USP35: variants seen among roughly 807,000 people sequenced by gnomAD.
The protein encoded by USP35 is ubiquitin carboxyl-terminal hydrolase 35.
In USP35, 69 loss-of-function variants were observed where a neutral mutation model predicts 83.8. That is an observed-to-expected ratio of 0.82 (90% CI 0.68 to 1.01). The LOEUF (loss-of-function observed/expected upper bound fraction) is 1.01. Ranked by LOEUF, USP35 falls within the 50% of genes least tolerant of loss-of-function variation. USP35 has a pLI of 0.00. For synonymous variants in USP35, 714 were observed against 589.5 expected (o/e 1.21, Z -3.06); for missense variants, 1,503 against 1,362.5 (o/e 1.10, Z -1.62).
chr11:78,194,012 G>A lies in USP35; in HGVS notation c.-10-2224G>A, dbSNP rs370777644. On this transcript the variant is annotated intron_variant, in intron 1 of 10. Transcript: ENST00000529308. ...CTCCCAAAGTGTTGGGACTACAGGCGTGAGCCACCGCGCCCGGCCGCATCT... is the reference window on the plus strand; with the variant it reads ...CTCCCAAAGTGTTGGGACTACAGGCATGAGCCACCGCGCCCGGCCGCATCT... 3.3e-5 allele frequency among the ~76,000 whole-genome samples: 5 copies of A among 149,438 alleles called. No homozygotes were observed. The East Asian group carries it at 6.0e-4, about 18-fold the overall frequency.
rs10532208 is a variant in USP35 at position 78,214,883 on chromosome 11, G to GACTT, written c.*1077_*1080dup. 2.6e-4 allele frequency among the ~76,000 whole-genome samples: 40 copies of GACTT among 151,746 alleles called. No individual in the cohort carries two copies. The highest frequency in any genetic ancestry group is 1.2e-3 in the East Asian group (6 of 5,118). On this transcript the variant is annotated 3_prime_UTR_variant, in exon 11 of 11. Coordinates refer to ENST00000529308, the MANE Select transcript of USP35 (RefSeq NM_020798.4). ...GTGTAAGTAAACGTGTGGACTGACTGACTTACTTACCTTACTGAGGGCTGG... is the reference window on the plus strand; with the variant it reads ...GTGTAAGTAAACGTGTGGACTGACTGACTTACTTACTTACCTTACTGAGGGCTGG...
In USP35 at chr11:78,199,661, G is replaced by C; in HGVS notation, c.873G>C (p.Lys291Asn). 6.2e-7 allele frequency: 1 copy of C among 1,614,236 alleles called. No individual in the cohort carries two copies. Among genetic ancestry groups the C allele is most frequent in the Non-Finnish European group, 8.5e-7 (1 of 1,180,034 alleles). The change falls in exon 4 of 11, where the codon AAG (lysine) becomes AAC (asparagine). Residue 291 changes from lysine to asparagine, a missense_variant. By Grantham distance (94) the Lys-to-Asn change is moderately conservative. Transcript: ENST00000529308. ...ACAAGTGGATCATTGCACTGCTGAA[G>C]GGCCTGGCTGCTGTTAAGAAGTTCA... is the stretch of plus-strand genomic sequence containing the variant. ...NIDKWIIALL[K>N]GLAAVKKFSI...
At chr11:78,220,220 G>T, downstream of USP35, 1 of 1,249,594 alleles carries the variant, frequency 8.0e-7, no homozygotes, top group Non-Finnish European at 1.1e-6. Flanking sequence ...GAGGGAGGCT[G>T]AGTGCTGCTG....
intron 3 of USP35, among the ~76,000 whole-genome samples, chr11:78,198,269 G>A (rs1379253227): frequency 6.6e-6 from 1 of 152,230 alleles, no homozygotes; most frequent in East Asian, 1.9e-4. Flanking sequence ...CAGAGAGCCT[G>A]CCCTAGTGAT....
chr11:78,190,681 G>T (rs1453072353), intron 1 of USP35, among the ~76,000 whole-genome samples: 1 of 152,220 alleles, frequency 6.6e-6, no homozygotes, highest in Non-Finnish European at 1.5e-5. Context: ...AGAGGGCCTT[G>T]GAGGCCAGAA....
chr11:78,204,081 G>C (rs1292499282), intron 6 of USP35, among the ~76,000 whole-genome samples: 4 of 151,214 alleles, frequency 2.6e-5, no homozygotes, highest in African/African-American at 9.7e-5. Context: ...TAGTAGAGAC[G>C]GGGTTTCACC....
the USP35 span, among the ~76,000 whole-genome samples, chr11:78,234,201 G>T: frequency 2.6e-5 from 4 of 152,140 alleles, no homozygotes; most frequent in South Asian, 4.1e-4. Flanking sequence ...TCCCACCACA[G>T]CCTGCTGAGT....
intron 7 of USP35, 41 bp downstream of exon 7, chr11:78,206,076 C>T (rs1863521539): frequency 1.3e-6 from 2 of 1,583,714 alleles, no homozygotes; most frequent in South Asian, 1.1e-5. Context: ...CCTTGCTTCT[C>T]TCCTCTGGGC....
Position 78,213,880 on chromosome 11 carries a change from A to C in USP35, c.*67A>C. The C allele has an allele frequency of 6.6e-7, 1 of 1,510,032 alleles. No individual in the cohort carries two copies. Among genetic ancestry groups the C allele is most frequent in the East Asian group, 2.6e-5 (1 of 37,852 alleles). 93.5% of individuals were successfully genotyped at this position (1,510,032 alleles called of 1,614,324 possible). A position where few individuals can be genotyped will look rare whatever the true frequency, so the allele number is the denominator to read the frequency against. ...AGGTAGGGCCTGAGGGAAGCTGTGG[A>C]GGCAGGCCCTACCAAGAGGAAGGAT... On this transcript the variant is annotated 3_prime_UTR_variant, in exon 11 of 11. Coordinates refer to ENST00000529308, the MANE Select transcript of USP35 (RefSeq NM_020798.4).
intron 5 of USP35, among the ~76,000 whole-genome samples, 190 bp downstream of exon 5, chr11:78,200,424 C>A (rs1282197868): frequency 6.6e-6 from 1 of 152,186 alleles, no homozygotes; most frequent in Non-Finnish European, 1.5e-5. Context: ...GAGTAGTCAT[C>A]CTATTTTGCA....
At chr11:78,209,411 G>C in intron 9 of USP35, 37 bp from the exon 10 acceptor site, 1 of 1,534,812 alleles carries the variant, frequency 6.5e-7, no homozygotes, top group Non-Finnish European at 8.8e-7. Context: ...AAGGGGACCC[G>C]CATGTACATG....
chr11:78,216,643 T>C (rs1864161547), downstream of USP35: 1 of 152,048 alleles, frequency 6.6e-6, no homozygotes, highest in South Asian at 2.1e-4. Context: ...GGAAGCCTCC[T>C]GGGAGATTCG....
chr11:78,230,010 G>A, the USP35 span, among the ~76,000 whole-genome samples: 1 of 152,086 alleles, frequency 6.6e-6, no homozygotes, highest in African/African-American at 2.4e-5. Flanking sequence ...CCTATATTAG[G>A]CACCATTACT....
chr11:78,205,987 A>G lies in USP35; in HGVS notation c.1343A>G (p.Asn448Ser), dbSNP rs1304082042. Residue 448 changes from asparagine to serine, a missense_variant, in exon 7 of 11, where the codon AAC (asparagine) becomes AGC (serine). Coordinates refer to ENST00000529308, the MANE Select transcript of USP35 (RefSeq NM_020798.4). ...TGKIGLINLG[N>S]TCYVNSILQA... ...AAGATTGGTCTCATCAACCTGGGCA[A>G]CACATGCTATGTCAACAGCATCCTT... 31 of 1,614,158 alleles carry G rather than the reference A, an allele frequency of 1.9e-5. No individual in the cohort carries two copies. The highest frequency in any genetic ancestry group is 2.6e-5 in the Non-Finnish European group (31 of 1,180,048).
Position 78,196,361 on chromosome 11 carries a change from T to C in USP35, c.116T>C (p.Leu39Pro). 6.5e-7 allele frequency: 1 copy of C among 1,530,056 alleles called. No homozygotes were observed. The highest frequency in any genetic ancestry group is 1.2e-5 in the South Asian group (1 of 84,154). 94.8% of individuals were successfully genotyped at this position (1,530,056 alleles called of 1,614,324 possible). The part of the protein sequence containing the change: ...ARQPLEREQC[L>P]ALLALGARLY... Reference sequence around the variant, plus strand: ...CAGCCGCTGGAGCGTGAGCAGTGCCTGGCGCTGCTGGCGCTGGGCGCGCGC... The same window carrying C: ...CAGCCGCTGGAGCGTGAGCAGTGCCCGGCGCTGCTGGCGCTGGGCGCGCGC... The change falls in exon 2 of 11, where the codon CTG becomes CCG. Residue 39 changes from leucine (L) to proline (P), a missense_variant. Coordinates refer to ENST00000529308, the MANE Select transcript of USP35 (RefSeq NM_020798.4). The surrounding 1 kb of genome is among the most constrained non-coding windows in gnomAD (Gnocchi z 4.8).
At chr11:78,211,864 T>G (rs1056392357) in intron 10 of USP35, among the ~76,000 whole-genome samples, 3 of 152,242 alleles carry the variant, frequency 2.0e-5, no homozygotes, top group Non-Finnish European at 2.9e-5. Flanking sequence ...ATGGGTAGTT[T>G]GCAAAAATTT....
chr11:78,220,456 A>G, the USP35 span: 1 of 1,557,644 alleles, frequency 6.4e-7, no homozygotes, highest in Non-Finnish European at 8.7e-7. Flanking sequence ...TGTCACGAGG[A>G]GGAAAAAACT....
rs1320760798 is a variant in USP35, at chr11:78,210,121, G to T, written c.2266G>T (p.Glu756Ter). The T allele has an allele frequency of 2.5e-6, 4 of 1,613,698 alleles. No homozygotes were observed. Among genetic ancestry groups the T allele is most frequent in the Non-Finnish European group, 3.4e-6 (4 of 1,179,904 alleles). ...IPSGERTCGS[E>*]GSRSVLDLVN... ...CTCCGGGGAGCGGACATGTGGCTCTGAGGGCTCCCGCTCCGTCCTGGACCT... is the reference window on the plus strand; with the variant it reads ...CTCCGGGGAGCGGACATGTGGCTCTTAGGGCTCCCGCTCCGTCCTGGACCT... The change falls in exon 10 of 11, where the codon GAG becomes TAG. Residue 756 changes from glutamate (E) to a stop codon, truncating the protein, a stop_gained. Coordinates refer to ENST00000529308, the MANE Select transcript of USP35 (RefSeq NM_020798.4). LOFTEE classifies it high-confidence loss of function.
the USP35 span, among the ~76,000 whole-genome samples, chr11:78,236,777 T>C: frequency 0.015 from 2 of 134 alleles, no homozygotes; most frequent in Non-Finnish European, 0.091. Context: ...CTTTGATTGT[T>C]TTTTTTTTGA....
Sources: allele counts gnomAD v4.1 joint callset (sites outside exome capture counted in the v4.1 genomes callset), GRCh38; gene constraint gnomAD v4.1.1; non-coding constraint Gnocchi (gnomAD v3.1); transcripts MANE v1.5; gene names NCBI Gene and HGNC (gene_info 2026-07-23, HGNC 2026-07-21).